PDE4D: variants seen among roughly 807,000 people sequenced by gnomAD.
The protein encoded by PDE4D is 3',5'-cyclic-AMP phosphodiesterase 4D.
A neutral mutation model predicts 87.4 loss-of-function variants in PDE4D; 24 were observed. The ratio of observed to expected loss-of-function variants is 0.27; its 90% CI spans 0.20 to 0.39. PDE4D has a LOEUF of 0.39. PDE4D is among the 10% of genes least tolerant of loss of function. The pLI is 1.00. For missense variants in PDE4D, 714 were observed against 1,041.0 expected, an observed-to-expected ratio of 0.69 and a Z score of 4.32; for synonymous variants, 384 against 383.2, an observed-to-expected ratio of 1.00 and a Z score of -0.02.
chr5:59,402,778 A>T (rs1307552815), intron 1 of PDE4D, among the ~76,000 whole-genome samples: 1 of 151,518 alleles, frequency 6.6e-6, no homozygotes, highest in Non-Finnish European at 1.5e-5. Flanking sequence ...CTCTCAAACT[A>T]TTTTTTTTTA....
chr5:60,242,797 A>G (rs1747276317), intron 1 of PDE4D, among the ~76,000 whole-genome samples: 1 of 152,076 alleles, frequency 6.6e-6, no homozygotes, highest in South Asian at 2.1e-4. Flanking sequence ...TAATGGAAAC[A>G]CAACATACCA....
chr5:60,051,646 A>G (rs1029212760), intron 2 of PDE4D, among the ~76,000 whole-genome samples: 3 of 152,228 alleles, frequency 2.0e-5, no homozygotes, highest in African/African-American at 7.2e-5. Flanking sequence ...GCAAGAGCAA[A>G]CAAATTCAAA....
chr5:60,373,808 T>C (rs1451366513), intron 1 of PDE4D, among the ~76,000 whole-genome samples: 1 of 152,192 alleles, frequency 6.6e-6, no homozygotes. Flanking sequence ...TCCTTATTCC[T>C]TGGCTCATGG....
At chr5:60,378,340 T>C (rs952883078) in intron 1 of PDE4D, among the ~76,000 whole-genome samples, 2 of 152,178 alleles carry the variant, frequency 1.3e-5, no homozygotes, top group Admixed American at 6.5e-5. Context: ...CTACTCCTAA[T>C]ACCAGGATTC....
At chr5:59,356,029 T>C (rs1781321340) in intron 1 of PDE4D, among the ~76,000 whole-genome samples, 2 of 152,186 alleles carry the variant, frequency 1.3e-5, no homozygotes, top group Non-Finnish European at 2.9e-5. Context: ...GTGCTATAGA[T>C]TGTAATCAAT....
At chr5:59,255,879 C>T (rs1760879513) in intron 1 of PDE4D, among the ~76,000 whole-genome samples, 2 of 152,160 alleles carry the variant, frequency 1.3e-5, no homozygotes, top group African/African-American at 4.8e-5. Context: ...GAGATAGTGT[C>T]ATACTAGAGA....
intron 1 of PDE4D, among the ~76,000 whole-genome samples, chr5:59,779,820 T>C (rs1021028037): frequency 6.6e-6 from 1 of 152,234 alleles, no homozygotes; most frequent in Non-Finnish European, 1.5e-5. Context: ...ACATGCCAAG[T>C]ATTTTTTTTA....
chr5:59,045,603 T>C (rs1359900928), intron 5 of PDE4D, among the ~76,000 whole-genome samples: 1 of 91,134 alleles, frequency 1.1e-5, no homozygotes, highest in South Asian at 4.0e-4. Context: ...AAAAAAGAAA[T>C]AACCATGAGT....
chr5:60,169,674 T>A (rs1783243149), intron 2 of PDE4D, among the ~76,000 whole-genome samples: 1 of 152,050 alleles, frequency 6.6e-6, no homozygotes, highest in Admixed American at 6.6e-5. Context: ...AAAGTTTTCA[T>A]TAAGTCCCCA....
intron 1 of PDE4D, among the ~76,000 whole-genome samples, chr5:60,254,628 C>T (rs543080245): frequency 9.2e-5 from 14 of 151,772 alleles, no homozygotes; most frequent in Non-Finnish European, 1.8e-4. Context: ...AAACCATGAG[C>T]AAAATCGTGT....
chr5:59,357,998 A>G (rs1781652297), intron 1 of PDE4D, among the ~76,000 whole-genome samples: 1 of 152,222 alleles, frequency 6.6e-6, no homozygotes, highest in South Asian at 2.1e-4. Context: ...ATTGACCAAG[A>G]GTTGAGCTCA....
intron 1 of PDE4D, among the ~76,000 whole-genome samples, chr5:59,283,896 C>T (rs2591651): frequency 0.092 from 14,014 of 152,148 alleles, 1,655 homozygotes; most frequent in East Asian, 0.43. Flanking sequence ...CCCACAGACA[C>T]TGTTTAGCTA....
chr5:60,090,709 T>C (rs1022609120), intron 2 of PDE4D, among the ~76,000 whole-genome samples: 2 of 152,096 alleles, frequency 1.3e-5, no homozygotes. Flanking sequence ...ACAAAGTGCA[T>C]CTAAATTGGA....
At chr5:60,318,469 A>G (rs1011383152) in intron 1 of PDE4D, among the ~76,000 whole-genome samples, 3 of 152,210 alleles carry the variant, frequency 2.0e-5, no homozygotes, top group African/African-American at 7.2e-5. Context: ...TAATTGAAGC[A>G]GTTAGCCCAT....
chr5:60,023,198 C>T (rs1399208277), intron 2 of PDE4D, among the ~76,000 whole-genome samples: 1 of 152,258 alleles, frequency 6.6e-6, no homozygotes, highest in African/African-American at 2.4e-5. Flanking sequence ...TTAGCTAAAG[C>T]ATTTAGAACT....
At chr5:60,383,730 A>T (rs956325686) in intron 1 of PDE4D, among the ~76,000 whole-genome samples, 1 of 152,172 alleles carries the variant, frequency 6.6e-6, no homozygotes, top group African/African-American at 2.4e-5. Flanking sequence ...AATAGTAACA[A>T]ATTATAAATA....
chr5:59,585,288 G>A (rs191437755), intron 1 of PDE4D, among the ~76,000 whole-genome samples: 148 of 152,268 alleles, frequency 9.7e-4, no homozygotes, highest in African/African-American at 3.4e-3. Flanking sequence ...AAACCAGCAG[G>A]TGATTTTGGT....
chr5:60,276,313 C>T (rs1037046289), intron 1 of PDE4D, among the ~76,000 whole-genome samples: 2 of 152,184 alleles, frequency 1.3e-5, no homozygotes, highest in Non-Finnish European at 2.9e-5. Context: ...CTGTTGTCTG[C>T]ATATGCATTT....
intron 5 of PDE4D, among the ~76,000 whole-genome samples, chr5:59,059,449 C>T (rs919312324): frequency 6.6e-6 from 1 of 152,192 alleles, no homozygotes; most frequent in East Asian, 1.9e-4. Flanking sequence ...GTAATTCTCT[C>T]GTGAGACTTT....
Sources: gnomAD v4.1 joint callset for allele counts (sites outside exome capture counted in the v4.1 genomes callset) on GRCh38, gnomAD v4.1.1 for gene constraint, MANE v1.5 for transcripts, NCBI Gene and HGNC (gene_info 2026-07-23, HGNC 2026-07-21) for gene names.